Variants in SYN1 observed in about 807,000 individuals in gnomAD.
SYN1 encodes the protein synapsin-1.
Under a neutral mutation model 44.6 loss-of-function variants are expected in SYN1, and 8 were observed. The observed-to-expected ratio is 0.18, with a 90% CI of 0.11 to 0.32. The LOEUF is 0.32. Ranked by LOEUF, SYN1 falls within the 10% of genes least tolerant of loss-of-function variation. SYN1 has a pLI of 1.00. For missense variants in SYN1, 451 were observed against 639.4 expected (o/e 0.71, Z 3.18); for synonymous variants, 275 against 280.1 (o/e 0.98, Z 0.18).
chrX:47,580,829 G>C (rs928203709), intron 5 of SYN1, among the ~76,000 whole-genome samples: 1 of 109,738 alleles, frequency 9.1e-6, no homozygotes, highest in Non-Finnish European at 1.9e-5. Context: ...AGCTACTCAG[G>C]AGGCTGAGAC....
chrX:47,575,499 C>T (rs1254039752), intron 9 of SYN1, among the ~76,000 whole-genome samples: 1 of 112,418 alleles, frequency 8.9e-6, no homozygotes, highest in South Asian at 3.6e-4. Context: ...CCCAACCTGG[C>T]CGACCACCTG....
At chrX:47,583,723 C>A (rs2057809955) in intron 5 of SYN1, among the ~76,000 whole-genome samples, 2 of 112,048 alleles carry the variant, frequency 1.8e-5, no homozygotes, top group African/African-American at 6.5e-5. Context: ...GATCTGCATG[C>A]TGGCTGCTCC....
At chrX:47,617,777 T>A (rs1417642915) in intron 1 of SYN1, among the ~76,000 whole-genome samples, 1 of 112,244 alleles carries the variant, frequency 8.9e-6, no homozygotes, top group South Asian at 3.6e-4. Context: ...AGACACTCCA[T>A]AAATGCTCAG....
At position 47,576,653 on chromosome X, in the gene SYN1, G is replaced by A. The variant is rs779787905; in HGVS notation, c.838-13C>T. 7.4e-6 allele frequency: 9 copies of A among 1,209,799 alleles called. No homozygotes were observed. Among genetic ancestry groups the A allele is most frequent in the Admixed American group, 4.4e-5 (2 of 45,777 alleles). On this transcript the variant is annotated splice_polypyrimidine_tract_variant and intron_variant, in intron 6 of 12. Coordinates refer to ENST00000295987, the MANE Select transcript of SYN1 (RefSeq NM_006950.3). The stretch of plus-strand genomic sequence containing the variant: ...TGTCAACCTTGACCTGTGGAAGTGC[G>A]GGCAAGGATCAGGGCCTGGTCAGGA...
chrX:47,606,186 TC>T (rs1389271834), intron 3 of SYN1, among the ~76,000 whole-genome samples: 1 of 111,366 alleles, frequency 9.0e-6, no homozygotes, highest in Non-Finnish European at 1.9e-5. Context: ...AGCCACCACA[TC>T]CGGCCACTGT....
intron 1 of SYN1, among the ~76,000 whole-genome samples, chrX:47,617,625 C>T (rs751995039): frequency 1.6e-4 from 18 of 110,616 alleles, no homozygotes; most frequent in Non-Finnish European, 3.2e-4. Context: ...TTGGGAGAGG[C>T]CTTGTGATTG....
chrX:47,596,910 C>A (rs911604670), intron 5 of SYN1, among the ~76,000 whole-genome samples: 5 of 111,905 alleles, frequency 4.5e-5, no homozygotes, highest in South Asian at 7.3e-4. Context: ...ACTTAATAGG[C>A]AAAAACTGTA....
Position 47,619,826 on chromosome X carries a change from C to A in SYN1, c.-98G>T. On this transcript the variant is annotated 5_prime_UTR_variant, in exon 1 of 13. Coordinates refer to ENST00000295987, the MANE Select transcript of SYN1 (RefSeq NM_006950.3). ...AGGAGCACAGCTGCGCTCTCAGGCA[C>A]GACACGACTCCTCCGCTGCCCACCG... 2.2e-6 allele frequency: 2 copies of A among 921,736 alleles called. No homozygotes were observed. The highest frequency in any genetic ancestry group is 2.9e-6 in the Non-Finnish European group (2 of 679,283). The allele number at this position is 921,736 out of a possible 1,213,427, so 76.0% of individuals were successfully genotyped here. A position where few individuals can be genotyped will look rare whatever the true frequency, so the allele number is the denominator to read the frequency against.
chrX:47,585,727 G>A (rs766533995), intron 5 of SYN1: 5 of 1,194,627 alleles, frequency 4.2e-6, no homozygotes, highest in South Asian at 3.7e-5. Context: ...TCCCTAAATC[G>A]TGGGCTTGTT....
intron 5 of SYN1, among the ~76,000 whole-genome samples, chrX:47,601,776 T>A (rs1186382376): frequency 9.0e-6 from 1 of 111,633 alleles, no homozygotes; most frequent in East Asian, 2.8e-4. Context: ...AACAAAATAA[T>A]CACAAACTAA....
At chrX:47,575,079 G>A (rs752015701) in intron 10 of SYN1, 49 bp downstream of exon 10, 6 of 1,167,881 alleles carry the variant, frequency 5.1e-6, no homozygotes, top group Admixed American at 2.5e-5. Flanking sequence ...ACCCAGGGCC[G>A]GCCTCCCCAC....
At chrX:47,575,393 C>G in intron 9 of SYN1, 119 bp from the exon 10 acceptor site, 1 of 888,211 alleles carries the variant, frequency 1.1e-6, no homozygotes, top group African/African-American at 2.0e-5. Context: ...GTCTGAGGCA[C>G]TGATTGTGCA....
Position 47,606,753 on chromosome X carries a change from T to TA in SYN1, c.527+191_527+192insT, listed in dbSNP as rs1569330848. ...GAAATATATATATATATATATATATTTTTTTTTAAAGTCTGACTTGTGGCA... is the reference window on the plus strand; with the variant it reads ...GAAATATATATATATATATATATATTATTTTTTTAAAGTCTGACTTGTGGCA... On this transcript the variant is annotated intron_variant, in intron 3 of 12. Coordinates refer to ENST00000295987, the MANE Select transcript of SYN1 (RefSeq NM_006950.3). Among the ~76,000 whole-genome samples, 481 of 98,076 alleles carry TA rather than the reference T, an allele frequency of 4.9e-3. 6 individuals are homozygous for TA. The highest frequency in any genetic ancestry group is 0.019 in the African/African-American group (451 of 23,540). 85.2% of individuals were successfully genotyped at this position (98,076 alleles called of 115,157 possible). A position where few individuals can be genotyped will look rare whatever the true frequency, so the allele number is the denominator to read the frequency against.
Position 47,574,347 on chromosome X carries a change from G to A in SYN1, c.1637C>T (p.Ala546Val). 1 of 1,036,576 alleles carries A rather than the reference G, an allele frequency of 9.6e-7. No homozygotes were observed. Among genetic ancestry groups the A allele is most frequent in the East Asian group, 4.0e-5 (1 of 24,713 alleles). The allele number at this position is 1,036,576 out of a possible 1,213,427, so 85.4% of individuals were successfully genotyped here. Residue 546 changes from alanine to valine, a missense_variant, in exon 12 of 13, where the codon GCC (alanine) becomes GTC (valine). Ala to Val is a moderately conservative substitution (Grantham distance 64). Around this residue, in one of 3 missense-constraint regions of SYN1, gnomAD observed 127 missense variants for 154.8 expected, o/e 0.82. Transcript: ENST00000295987. ...VAGGPGAPPA[A>V]RPPASPSPQR... ...GGGAGACGGAGAGGCGGGCGGGCGG[G>A]CTGCTGGAGGCGCCCCGGGGCCTCC...
chrX:47,596,420 A>G (rs1371686745), intron 5 of SYN1, among the ~76,000 whole-genome samples: 8 of 112,575 alleles, frequency 7.1e-5, no homozygotes, highest in Non-Finnish European at 9.4e-5. Context: ...AAATACGCAT[A>G]AGGCTGTATG....
chrX:47,600,222 C>T (rs1280076516), intron 5 of SYN1, among the ~76,000 whole-genome samples: 5 of 106,749 alleles, frequency 4.7e-5, no homozygotes, highest in South Asian at 4.1e-4. Context: ...TTTTTGGAGA[C>T]GTGGTCTCAC....
At chrX:47,586,118 C>G (rs1428828545) in intron 5 of SYN1, 61 of 938,143 alleles carry the variant, frequency 6.5e-5, no homozygotes, top group African/African-American at 8.2e-5. Context: ...TAGTCCAAGC[C>G]TGTTCCCTGA....
At chrX:47,591,720 C>CA (rs150642282) in intron 5 of SYN1, among the ~76,000 whole-genome samples, 7,136 of 90,555 alleles carry the variant, frequency 0.079, 805 homozygotes, top group African/African-American at 0.27. Flanking sequence ...CACCCTGTCT[C>CA]AAAAAAAAAA....
intron 5 of SYN1, among the ~76,000 whole-genome samples, chrX:47,580,372 T>C (rs2057792936): frequency 9.2e-6 from 1 of 108,770 alleles, no homozygotes; most frequent in Non-Finnish European, 1.9e-5. Flanking sequence ...AGCTCACGCA[T>C]GTAATCGCAG....
Sources: allele counts gnomAD v4.1 joint callset (sites outside exome capture counted in the v4.1 genomes callset), GRCh38; gene constraint gnomAD v4.1.1; regional missense constraint gnomAD v4.1.1; transcripts MANE v1.5; gene names NCBI Gene and HGNC (gene_info 2026-07-23, HGNC 2026-07-21).